Variants in RBFOX1 observed in about 807,000 individuals in gnomAD.
RBFOX1 encodes RNA binding fox-1 homolog 1, also known as RNA binding protein fox-1 homolog 1.
Under a neutral mutation model 57.7 loss-of-function variants are expected in RBFOX1, and 8 were observed. That is an observed-to-expected ratio of 0.14 (90% CI 0.08 to 0.25). The LOEUF (loss-of-function observed/expected upper bound fraction) is 0.25. Among genes scored for constraint, RBFOX1 ranks in the 10% least tolerant of loss-of-function variants. The pLI, the probability that RBFOX1 is intolerant of heterozygous loss-of-function variation, is 1.00. For missense variants in RBFOX1, 611 were observed against 548.5 expected (o/e 1.11, Z -1.14); for synonymous variants, 326 against 222.4 (o/e 1.47, Z -4.15).
intron 3 of RBFOX1, among the ~76,000 whole-genome samples, chr16:5,744,902 A>T (rs1386677759): frequency 6.6e-6 from 1 of 152,064 alleles, no homozygotes; most frequent in Admixed American, 6.5e-5. Context: ...CGCCCAAAGT[A>T]GCGGGGATTA....
intron 4 of RBFOX1, among the ~76,000 whole-genome samples, chr16:7,352,855 A>G (rs2097152631): frequency 6.6e-6 from 1 of 152,114 alleles, no homozygotes; most frequent in Non-Finnish European, 1.5e-5. Flanking sequence ...AGCTGGGACT[A>G]CAGGAGCATG....
intron 3 of RBFOX1, among the ~76,000 whole-genome samples, chr16:6,815,004 TATC>T (rs1437158747): frequency 1.3e-5 from 2 of 152,178 alleles, no homozygotes; most frequent in Admixed American, 6.5e-5. Context: ...TGCTCATCCT[TATC>T]ATTACTTCTT....
At chr16:7,327,439 C>A (rs1271814634) in intron 4 of RBFOX1, among the ~76,000 whole-genome samples, 1 of 152,146 alleles carries the variant, frequency 6.6e-6, no homozygotes, top group Non-Finnish European at 1.5e-5. Flanking sequence ...TGTCTGGAAA[C>A]AAAGTGAGTG....
intron 4 of RBFOX1, among the ~76,000 whole-genome samples, chr16:7,206,450 A>G (rs973284977): frequency 4.8e-5 from 7 of 147,200 alleles, no homozygotes; most frequent in Non-Finnish European, 9.0e-5. Flanking sequence ...ATATTTCCTT[A>G]TTAATATATA....
At chr16:5,965,433 T>A (rs2059823969) in intron 4 of RBFOX1, among the ~76,000 whole-genome samples, 1 of 152,194 alleles carries the variant, frequency 6.6e-6, no homozygotes, top group Non-Finnish European at 1.5e-5. Context: ...TTTTTATTTG[T>A]CAACCATACC....
rs568235249 is a variant in RBFOX1 at position 7,191,000 on chromosome 16, A to T, written c.27+138902A>T. On this transcript the variant is annotated intron_variant, in intron 4 of 15. Transcript: ENST00000550418. ...AAAGGGGCCCAGGAATGCGAAGTGTATGCCTGTCTCCCACCCCCACATAGT... is the reference window on the plus strand; with the variant it reads ...AAAGGGGCCCAGGAATGCGAAGTGTTTGCCTGTCTCCCACCCCCACATAGT... 7.0e-4 allele frequency among the ~76,000 whole-genome samples: 107 copies of T among 151,962 alleles called. 1 individual carries two copies. Among genetic ancestry groups the T allele is most frequent in the Non-Finnish European group, 1.2e-3 (85 of 68,022 alleles).
chr16:7,682,394 C>T (rs1487606702), intron 14 of RBFOX1, among the ~76,000 whole-genome samples: 4 of 151,996 alleles, frequency 2.6e-5, no homozygotes, highest in Non-Finnish European at 4.4e-5. Flanking sequence ...TTTTCCATGC[C>T]ATCTTCCCAG....
chr16:6,828,816 C>T (rs955740205), intron 3 of RBFOX1, among the ~76,000 whole-genome samples: 2 of 152,112 alleles, frequency 1.3e-5, no homozygotes, highest in Admixed American at 6.6e-5. Flanking sequence ...TGGATGGCAT[C>T]ACAATTCTAA....
intron 4 of RBFOX1, among the ~76,000 whole-genome samples, chr16:7,487,471 G>A (rs2065726732): frequency 6.6e-6 from 1 of 152,200 alleles, no homozygotes; most frequent in South Asian, 2.1e-4. Flanking sequence ...AATTTCACCT[G>A]CGTGAAATAG....
At chr16:6,840,897 A>AAAAAAAAAAG (rs751671784) in intron 3 of RBFOX1, among the ~76,000 whole-genome samples, 9,079 of 137,322 alleles carry the variant, frequency 0.066, 782 homozygotes, top group Admixed American at 0.15. Flanking sequence ...CAAAAAAAAA[A>AAAAAAAAAAG]AAAAAAACGA....
chr16:7,389,316 A>G (rs913088690), intron 4 of RBFOX1, among the ~76,000 whole-genome samples: 2 of 152,120 alleles, frequency 1.3e-5, no homozygotes, highest in Non-Finnish European at 2.9e-5. Context: ...GGTAGAGACG[A>G]GGTCTTGCCA....
chr16:7,248,541 A>G (rs185716359), intron 4 of RBFOX1, among the ~76,000 whole-genome samples: 406 of 152,252 alleles, frequency 2.7e-3, no homozygotes, highest in South Asian at 7.5e-3. Context: ...CCCATCACAG[A>G]TGGTTTTACC....
intron 4 of RBFOX1, among the ~76,000 whole-genome samples, chr16:7,387,470 C>T (rs965889710): frequency 1.3e-5 from 2 of 152,126 alleles, no homozygotes; most frequent in Non-Finnish European, 2.9e-5. Flanking sequence ...CATAGATGTA[C>T]AATAGCTGTC....
At chr16:6,951,666 C>T (rs1166897363) in intron 3 of RBFOX1, among the ~76,000 whole-genome samples, 1 of 152,106 alleles carries the variant, frequency 6.6e-6, no homozygotes, top group Non-Finnish European at 1.5e-5. Context: ...TCACTTTTGC[C>T]TCATGGATTC....
intron 3 of RBFOX1, among the ~76,000 whole-genome samples, chr16:5,748,181 G>A (rs1029885796): frequency 4.6e-5 from 7 of 152,066 alleles, no homozygotes; most frequent in Non-Finnish European, 8.8e-5. Flanking sequence ...GTAGTTGAGT[G>A]GTTTTGAGTG....
At chr16:7,048,296 G>A (rs920696240) in intron 3 of RBFOX1, among the ~76,000 whole-genome samples, 1 of 151,882 alleles carries the variant, frequency 6.6e-6, no homozygotes, top group African/African-American at 2.4e-5. Flanking sequence ...GTCTTGCTCT[G>A]TCTCCCAGGC....
intron 1 of RBFOX1, among the ~76,000 whole-genome samples, chr16:5,251,561 A>G (rs940819092): frequency 2.0e-5 from 3 of 152,220 alleles, no homozygotes; most frequent in Non-Finnish European, 2.9e-5. Flanking sequence ...AGAGGAAAGA[A>G]GTGGGGCTTC....
chr16:6,641,629 A>C (rs747970332), intron 2 of RBFOX1, among the ~76,000 whole-genome samples: 2 of 151,708 alleles, frequency 1.3e-5, no homozygotes, highest in Non-Finnish European at 2.9e-5. Context: ...CAGCTACTCA[A>C]GAGGCTGAGA....
At chr16:7,471,181 G>T (rs561797406) in intron 4 of RBFOX1, among the ~76,000 whole-genome samples, 1 of 152,220 alleles carries the variant, frequency 6.6e-6, no homozygotes, top group East Asian at 1.9e-4. Context: ...ATATGTGTCT[G>T]CCATGCTCTT....
Sources: allele counts gnomAD v4.1 joint callset (sites outside exome capture counted in the v4.1 genomes callset), GRCh38; gene constraint gnomAD v4.1.1; transcripts MANE v1.5; gene names NCBI Gene and HGNC (gene_info 2026-07-23, HGNC 2026-07-21).